CLEC16A: variants seen among roughly 807,000 people sequenced by gnomAD.
The protein encoded by CLEC16A is protein CLEC16A.
A neutral mutation model predicts 109.5 loss-of-function variants in CLEC16A; 51 were observed. The ratio of observed to expected loss-of-function variants is 0.47; its 90% CI spans 0.37 to 0.59. CLEC16A has a LOEUF of 0.59. CLEC16A is among the 20% of genes least tolerant of loss of function. The probability of loss-of-function intolerance (pLI) is 0.00; values close to 1 mark genes in which losing one functional copy is unlikely to be tolerated. For synonymous variants in CLEC16A, 673 were observed against 564.2 expected, an observed-to-expected ratio of 1.19 and a Z score of -2.73; for missense variants, 1,339 against 1,394.0, an observed-to-expected ratio of 0.96 and a Z score of 0.63.
At chr16:10,971,903 A>G (rs1249570413) in intron 5 of CLEC16A, among the ~76,000 whole-genome samples, 3 of 152,242 alleles carry the variant, frequency 2.0e-5, no homozygotes, top group East Asian at 3.9e-4. Context: ...AGATGGGACT[A>G]TTTTCTCAGG....
intron 16 of CLEC16A, 121 bp from the exon 17 acceptor site, chr16:11,047,171 C>T (rs532522439): frequency 2.7e-5 from 16 of 591,896 alleles, no homozygotes; most frequent in South Asian, 2.0e-4. Context: ...TGGTGATTTA[C>T]GAGAACTCAC....
At chr16:11,141,006 A>G (rs1435281329) in intron 22 of CLEC16A, among the ~76,000 whole-genome samples, 2 of 152,244 alleles carry the variant, frequency 1.3e-5, no homozygotes, top group East Asian at 1.9e-4. Context: ...TAGTGTCATA[A>G]TGGCCACTGC....
At chr16:11,146,069 G>A (rs893099939) in intron 22 of CLEC16A, among the ~76,000 whole-genome samples, 2 of 152,128 alleles carry the variant, frequency 1.3e-5, no homozygotes, top group Non-Finnish European at 2.9e-5. Context: ...GCCTCTGTTT[G>A]GAGAAGTCGC....
chr16:10,975,311 A>G (rs1000282937), intron 7 of CLEC16A, among the ~76,000 whole-genome samples: 3 of 152,212 alleles, frequency 2.0e-5, no homozygotes, highest in Non-Finnish European at 4.4e-5. Flanking sequence ...CCTGGGTGAC[A>G]GAGCAAGACA....
chr16:11,116,584 A>G (rs951197854), intron 19 of CLEC16A, among the ~76,000 whole-genome samples: 5 of 152,206 alleles, frequency 3.3e-5, no homozygotes, highest in Admixed American at 2.0e-4. Context: ...GACAGGTTAC[A>G]CTGTCGGAGG....
At chr16:11,087,073 C>G (rs2050051175) in intron 19 of CLEC16A, among the ~76,000 whole-genome samples, 2 of 152,234 alleles carry the variant, frequency 1.3e-5, no homozygotes, top group African/African-American at 4.8e-5. Flanking sequence ...TAGTCCAAAC[C>G]TAAACCCGTG....
intron 22 of CLEC16A, among the ~76,000 whole-genome samples, chr16:11,159,131 A>G (rs1342355216): frequency 6.6e-6 from 1 of 152,218 alleles, no homozygotes; most frequent in Admixed American, 6.5e-5. Flanking sequence ...CTGCGGCCAT[A>G]CTGAGGTCCA....
At chr16:10,979,217 T>C in intron 8 of CLEC16A, 112 bp from the exon 9 acceptor site, 1 of 897,190 alleles carries the variant, frequency 1.1e-6, no homozygotes, top group East Asian at 2.7e-5. Context: ...GTGGAGGAAG[T>C]CAGTGGGACA....
intron 10 of CLEC16A, among the ~76,000 whole-genome samples, chr16:10,991,392 C>G (rs2043996916): frequency 6.8e-6 from 1 of 146,398 alleles, no homozygotes. Context: ...CCACTACACT[C>G]CAGCCTGGGC....
At chr16:11,093,206 G>A (rs1382452950) in intron 19 of CLEC16A, among the ~76,000 whole-genome samples, 1 of 152,218 alleles carries the variant, frequency 6.6e-6, no homozygotes, top group Non-Finnish European at 1.5e-5. Context: ...CAGCACAGCA[G>A]AGTGAGAGAG....
chr16:11,164,801 C>G (rs1169786467), intron 22 of CLEC16A, among the ~76,000 whole-genome samples: 42 of 152,232 alleles, frequency 2.8e-4, no homozygotes, highest in Admixed American at 2.7e-3. Context: ...CCAACCCCTG[C>G]TAACACCCTG....
At chr16:11,080,988 G>T (rs972706737) in intron 19 of CLEC16A, among the ~76,000 whole-genome samples, 3 of 152,354 alleles carry the variant, frequency 2.0e-5, no homozygotes, top group South Asian at 2.1e-4. Context: ...GCCCACCCCA[G>T]GTGGGATGCA....
In CLEC16A at chr16:11,054,621, G is replaced by C. The variant is rs566236204; in HGVS notation, c.1995+2980G>C. ...AGCAGAATGATATAAAAGAGGCCAG[G>C]CTACCTCAAAGCCAAGGCATCCACT... On this transcript the variant is annotated intron_variant, in intron 18 of 23. Transcript: ENST00000409790. 1.6e-4 allele frequency among the ~76,000 whole-genome samples: 25 copies of C among 152,340 alleles called. No homozygotes were observed. In the South Asian group the frequency reaches 2.9e-3, roughly 18 times the overall value.
intron 19 of CLEC16A, among the ~76,000 whole-genome samples, chr16:11,087,911 C>T (rs1463321370): frequency 1.3e-5 from 2 of 152,222 alleles, no homozygotes; most frequent in Admixed American, 6.5e-5. Context: ...AGAAGCTGGT[C>T]AGAGCTCCCC....
At chr16:11,162,795 G>C (rs147675444) in intron 22 of CLEC16A, among the ~76,000 whole-genome samples, 32 of 152,160 alleles carry the variant, frequency 2.1e-4, no homozygotes, top group Non-Finnish European at 1.9e-4. Flanking sequence ...GCTGTCTTCT[G>C]TTCTCTGTTC....
chr16:11,060,863 C>A, intron 18 of CLEC16A, 39 bp from the exon 19 acceptor site: 2 of 1,546,092 alleles, frequency 1.3e-6, no homozygotes, highest in Non-Finnish European at 1.8e-6. Flanking sequence ...AATGACTCTG[C>A]AATCTCACTC....
Position 11,051,579 on chromosome 16 carries a change from C to G in CLEC16A, c.1933C>G (p.Pro645Ala), listed in dbSNP as rs1376860783. Residue 645 changes from proline to alanine, a missense_variant, in exon 18 of 24, where the codon CCA becomes GCA. Around this residue, in one of 3 missense-constraint regions of CLEC16A, gnomAD observed 1,061 missense variants for 1,006.8 expected, o/e 1.05. Coordinates refer to ENST00000409790, the MANE Select transcript of CLEC16A (RefSeq NM_015226.3). ...CATCCTGCTGCCCCCAACAGGCACG[C>G]CACTGACGGGCATTGACTTCGTGAA... ...ASILLPPTGT[P>A]LTGIDFVKRL... 1 of 1,613,954 alleles carries G rather than the reference C, an allele frequency of 6.2e-7. No individual in the cohort carries two copies. Among genetic ancestry groups the G allele is most frequent in the Non-Finnish European group, 8.5e-7 (1 of 1,179,910 alleles).
At chr16:11,010,162 A>G (rs1192227827) in intron 11 of CLEC16A, among the ~76,000 whole-genome samples, 1 of 140,576 alleles carries the variant, frequency 7.1e-6, no homozygotes, top group African/African-American at 2.7e-5. Flanking sequence ...TTAAAAAAAA[A>G]GAAGATGGTG....
chr16:11,048,017 G>A (rs1259298101), intron 17 of CLEC16A: 5 of 152,262 alleles, frequency 3.3e-5, no homozygotes, highest in Non-Finnish European at 5.9e-5. Context: ...CCCTTGACAC[G>A]TGGGGATTCT....
Sources: allele counts gnomAD v4.1 joint callset (sites outside exome capture counted in the v4.1 genomes callset), GRCh38; gene constraint gnomAD v4.1.1; regional missense constraint gnomAD v4.1.1; transcripts MANE v1.5; gene names NCBI Gene and HGNC (gene_info 2026-07-23, HGNC 2026-07-21).